RALGPS1: variants seen among roughly 807,000 people sequenced by gnomAD.
The protein encoded by RALGPS1 is ras-specific guanine nucleotide-releasing factor RalGPS1.
Under a neutral mutation model 78.8 loss-of-function variants are expected in RALGPS1, and 19 were observed. The ratio of observed to expected loss-of-function variants is 0.24; its 90% confidence interval spans 0.17 to 0.35. The LOEUF (loss-of-function observed/expected upper bound fraction) is 0.35, where lower values mean the gene tolerates loss of function less well. RALGPS1 is among the 10% of genes least tolerant of loss of function. The pLI is 1.00. For missense variants in RALGPS1, 454 were observed against 688.3 expected (o/e 0.66, Z 3.81); for synonymous variants, 228 against 256.3 (o/e 0.89, Z 1.06).
chr9:127,159,699 A>C (rs983592208), intron 8 of RALGPS1, among the ~76,000 whole-genome samples: 1 of 152,208 alleles, frequency 6.6e-6, no homozygotes, highest in Non-Finnish European at 1.5e-5. Context: ...AGATCTCATC[A>C]TGCAGTAGAT....
At chr9:127,090,884 G>A (rs1284012084) in intron 8 of RALGPS1, among the ~76,000 whole-genome samples, 1 of 152,170 alleles carries the variant, frequency 6.6e-6, no homozygotes, top group Non-Finnish European at 1.5e-5. Context: ...GCTGATATCT[G>A]GACTCAGGGC....
At chr9:126,936,376 T>C (rs1449745929) in intron 1 of RALGPS1, among the ~76,000 whole-genome samples, 1 of 152,122 alleles carries the variant, frequency 6.6e-6, no homozygotes, top group Admixed American at 6.5e-5. Flanking sequence ...GATTAAAGTA[T>C]ATGAGAGACT....
chr9:127,138,973 A>G (rs981728761), intron 8 of RALGPS1, among the ~76,000 whole-genome samples: 3 of 152,192 alleles, frequency 2.0e-5, no homozygotes, highest in Admixed American at 6.5e-5. Context: ...TGGTCCTGTC[A>G]GAGATGGGGA....
intron 8 of RALGPS1, among the ~76,000 whole-genome samples, chr9:127,152,716 G>A (rs1479843666): frequency 1.3e-5 from 2 of 152,184 alleles, no homozygotes; most frequent in Non-Finnish European, 2.9e-5. Context: ...TAGTTGGTAA[G>A]GAGGTTTTTA....
chr9:126,983,031 G>T (rs2041466664), intron 4 of RALGPS1, among the ~76,000 whole-genome samples: 1 of 140,542 alleles, frequency 7.1e-6, no homozygotes, highest in South Asian at 2.4e-4. Context: ...CTGCCTCCCG[G>T]GTTCAAACAA....
At chr9:127,117,968 G>T (rs1336737847) in intron 8 of RALGPS1, among the ~76,000 whole-genome samples, 1 of 152,202 alleles carries the variant, frequency 6.6e-6, no homozygotes, top group African/African-American at 2.4e-5. Context: ...GAGGCTCTGG[G>T]GCTGCTGGCC....
At chr9:126,960,890 T>C (rs2038844661) in intron 1 of RALGPS1, among the ~76,000 whole-genome samples, 1 of 152,126 alleles carries the variant, frequency 6.6e-6, no homozygotes, top group Non-Finnish European at 1.5e-5. Context: ...AGCTGGTACT[T>C]CTGCCTCCCT....
chr9:126,966,882 A>G (rs1005833875), intron 3 of RALGPS1, among the ~76,000 whole-genome samples: 6 of 152,150 alleles, frequency 3.9e-5, no homozygotes, highest in Admixed American at 6.5e-5. Flanking sequence ...TTGTTTTGCC[A>G]TGACTTGGTT....
At chr9:126,982,916 C>A in intron 4 of RALGPS1, among the ~76,000 whole-genome samples, 1 of 76,926 alleles carries the variant, frequency 1.3e-5, no homozygotes, top group South Asian at 7.7e-4. Flanking sequence ...TCTTCTTCTT[C>A]TTCTTCTTCT....
At chr9:127,121,366 G>A (rs1243550182) in intron 8 of RALGPS1, among the ~76,000 whole-genome samples, 3 of 152,198 alleles carry the variant, frequency 2.0e-5, no homozygotes, top group East Asian at 1.9e-4. Flanking sequence ...GCCCTACTCT[G>A]CCTCCATTTG....
chr9:126,954,984 T>G (rs1238018083), intron 1 of RALGPS1, among the ~76,000 whole-genome samples: 1 of 152,214 alleles, frequency 6.6e-6, no homozygotes, highest in African/African-American at 2.4e-5. Flanking sequence ...TAGGCTCATG[T>G]GCATCTCAGG....
intron 8 of RALGPS1, among the ~76,000 whole-genome samples, chr9:127,154,495 G>T (rs886981493): frequency 6.6e-6 from 1 of 152,194 alleles, no homozygotes; most frequent in African/African-American, 2.4e-5. Context: ...CTTCCAGAGG[G>T]CCCAAGGAAC....
intron 4 of RALGPS1, among the ~76,000 whole-genome samples, chr9:126,987,059 G>A (rs1041156901): frequency 1.6e-4 from 24 of 152,172 alleles, no homozygotes; most frequent in African/African-American, 5.3e-4. Context: ...GGAGGTTGTT[G>A]CTCAGAATAT....
intron 8 of RALGPS1, among the ~76,000 whole-genome samples, chr9:127,078,581 C>T (rs932618029): frequency 1.3e-4 from 20 of 152,172 alleles, no homozygotes; most frequent in Non-Finnish European, 2.9e-4. Context: ...AAGAAAGGAG[C>T]ACTAGGTGGA....
intron 4 of RALGPS1, among the ~76,000 whole-genome samples, chr9:127,019,968 A>T (rs1270746112): frequency 6.6e-6 from 1 of 152,076 alleles, no homozygotes; most frequent in South Asian, 2.1e-4. Flanking sequence ...TCCAATTACC[A>T]TTTCAATATC....
intron 1 of RALGPS1, among the ~76,000 whole-genome samples, chr9:126,951,828 G>A (rs1350284173): frequency 6.6e-6 from 1 of 152,154 alleles, no homozygotes; most frequent in African/African-American, 2.4e-5. Flanking sequence ...AGGGCAATTA[G>A]GCAGGAGAAA....
intron 11 of RALGPS1, among the ~76,000 whole-genome samples, chr9:127,189,740 C>T (rs2060918965): frequency 6.6e-6 from 1 of 152,144 alleles, no homozygotes; most frequent in South Asian, 2.1e-4. Context: ...ACTGCCACCT[C>T]TCAGGAGGGA....
intron 1 of RALGPS1, among the ~76,000 whole-genome samples, chr9:126,952,902 G>A (rs988595169): frequency 1.3e-5 from 2 of 152,220 alleles, no homozygotes; most frequent in Admixed American, 6.5e-5. Context: ...TCCACACTGC[G>A]GAAGTGGGCT....
chr9:127,150,752 C>T (rs2058369813), intron 8 of RALGPS1, among the ~76,000 whole-genome samples: 1 of 152,220 alleles, frequency 6.6e-6, no homozygotes, highest in Non-Finnish European at 1.5e-5. Flanking sequence ...CAGAGCTCAC[C>T]AGATGGGATG....
Sources: gnomAD v4.1 joint callset for allele counts (sites outside exome capture counted in the v4.1 genomes callset) on GRCh38, gnomAD v4.1.1 for gene constraint, MANE v1.5 for transcripts, NCBI Gene and HGNC (gene_info 2026-07-23, HGNC 2026-07-21) for gene names.